Variants in CENPC observed in about 807,000 individuals in gnomAD.
The protein encoded by CENPC is centromere protein C.
Under a neutral mutation model 112.1 loss-of-function variants are expected in CENPC, and 63 were observed. That is an observed-to-expected ratio of 0.56 (90% confidence interval 0.46 to 0.69). CENPC has a LOEUF of 0.69. Among genes scored for constraint, CENPC ranks in the 30% least tolerant of loss-of-function variants. The probability of loss-of-function intolerance (pLI) is 0.00; values close to 1 mark genes in which losing one functional copy is unlikely to be tolerated. For missense variants in CENPC, 1,000 were observed against 1,103.8 expected, an observed-to-expected ratio of 0.91 and a Z score of 1.33; for synonymous variants, 333 against 367.6, an observed-to-expected ratio of 0.91 and a Z score of 1.08.
intron 4 of CENPC, among the ~76,000 whole-genome samples, chr4:67,539,157 G>A (rs1365904002): frequency 6.6e-6 from 1 of 152,126 alleles, no homozygotes; most frequent in African/African-American, 2.4e-5. Context: ...AAAACCTAAA[G>A]TTGCTTTAAC....
chr4:67,537,335 G>A (rs1311544987), intron 4 of CENPC, among the ~76,000 whole-genome samples: 2 of 152,236 alleles, frequency 1.3e-5, no homozygotes, highest in Admixed American at 6.5e-5. Flanking sequence ...CGCAATTTGT[G>A]TATTTTAATG....
intron 4 of CENPC, among the ~76,000 whole-genome samples, chr4:67,536,524 C>G (rs1261323427): frequency 1.3e-5 from 2 of 151,858 alleles, no homozygotes; most frequent in Admixed American, 1.3e-4. Flanking sequence ...ATAACTAGAC[C>G]TAGGAATCTC....
intron 17 of CENPC, among the ~76,000 whole-genome samples, chr4:67,485,458 C>G (rs1382001621): frequency 2.0e-5 from 2 of 99,992 alleles, no homozygotes; most frequent in African/African-American, 3.6e-5. Flanking sequence ...AATTCACACT[C>G]TGGAATCTTA....
At chr4:67,475,667 C>T (rs866450807) in intron 17 of CENPC, among the ~76,000 whole-genome samples, 3 of 152,192 alleles carry the variant, frequency 2.0e-5, no homozygotes, top group East Asian at 1.9e-4. Flanking sequence ...GAGGCGATCT[C>T]GGCTCACTGC....
intron 17 of CENPC, among the ~76,000 whole-genome samples, chr4:67,489,290 AAG>A (rs1467261797): frequency 6.6e-6 from 1 of 151,752 alleles, no homozygotes; most frequent in Non-Finnish European, 1.5e-5. Context: ...GGGTGGAAGA[AAG>A]GAGATAAAGA....
chr4:67,509,724 G>C (rs1404519507), intron 9 of CENPC, among the ~76,000 whole-genome samples: 1 of 151,996 alleles, frequency 6.6e-6, no homozygotes, highest in South Asian at 2.1e-4. Flanking sequence ...GTCATTAGTA[G>C]AAGTCCTCAT....
At chr4:67,520,835 A>T (rs984915014) in intron 5 of CENPC, among the ~76,000 whole-genome samples, 2 of 152,088 alleles carry the variant, frequency 1.3e-5, no homozygotes, top group East Asian at 3.8e-4. Flanking sequence ...AACATGGCGA[A>T]ACCCCATCTC....
intron 13 of CENPC, 98 bp downstream of exon 13, chr4:67,495,061 C>T (rs925774376): frequency 1.1e-5 from 13 of 1,148,102 alleles, no homozygotes; most frequent in South Asian, 5.2e-5. Context: ...TCCACATAAT[C>T]GTATTTCTCC....
intron 3 of CENPC, 50 bp from the exon 4 acceptor site, chr4:67,539,984 A>G (rs1227935422): frequency 1.1e-6 from 1 of 904,604 alleles, no homozygotes; most frequent in East Asian, 3.0e-5. Flanking sequence ...TGTAATATCT[A>G]TTAGTCACAA....
intron 4 of CENPC, among the ~76,000 whole-genome samples, chr4:67,532,018 G>GA (rs1315090104): frequency 1.3e-5 from 2 of 152,074 alleles, no homozygotes; most frequent in Non-Finnish European, 2.9e-5. Context: ...CTAATATCCA[G>GA]AATCTACAAA....
chr4:67,545,485 G>A lies in CENPC; in HGVS notation c.-130C>T. 1.1e-6 allele frequency: 1 copy of A among 909,608 alleles called. No homozygotes were observed. The highest frequency in any genetic ancestry group is 1.5e-6 in the Non-Finnish European group (1 of 664,430). The allele number at this position is 909,608 out of a possible 1,614,324, so 56.3% of individuals were successfully genotyped here. On this transcript the variant is annotated 5_prime_UTR_variant, in exon 1 of 19. Transcript: ENST00000273853. ...GGCCAAGCAATAACCTTAAGTCTCA[G>A]GCGACTGCCGCGAGAGCTGCGATCC... is the stretch of plus-strand genomic sequence containing the variant.
chr4:67,512,186 G>A (rs1577991239), intron 9 of CENPC: 1 of 393,094 alleles, frequency 2.5e-6, no homozygotes, highest in East Asian at 4.5e-5. Flanking sequence ...CTGGTTTGGG[G>A]TTTTGTTTTC....
At chr4:67,541,071 C>A in intron 2 of CENPC, 21 bp from the exon 3 acceptor site, 2 of 1,535,564 alleles carry the variant, frequency 1.3e-6, no homozygotes, top group Non-Finnish European at 1.8e-6. Context: ...AAAAATACAG[C>A]CTGTCATTTT....
chr4:67,545,084 A>G (rs1365016559), intron 1 of CENPC, among the ~76,000 whole-genome samples: 1 of 152,172 alleles, frequency 6.6e-6, no homozygotes. Context: ...AGAAATCACA[A>G]GCACCTCTCA....
At position 67,474,608 on chromosome 4, in the gene CENPC, G is replaced by A; in HGVS notation, c.2761+280C>T. The A allele has an allele frequency of 9.5e-6, 3 of 317,382 alleles. No homozygotes were observed. The South Asian group carries it at 9.5e-5, about 10-fold the overall frequency. The allele number at this position is 317,382 out of a possible 1,614,324, so 19.7% of individuals were successfully genotyped here. A position where few individuals can be genotyped will look rare whatever the true frequency, so the allele number is the denominator to read the frequency against. On this transcript the variant is annotated intron_variant, in intron 18 of 18. Coordinates refer to ENST00000273853, the MANE Select transcript of CENPC (RefSeq NM_001812.4). ...AGCTACTCGAGAGTCTGAGGCACAAGAATCGCTTGAACCCAGGAGGTGGAG... is the reference window on the plus strand; with the variant it reads ...AGCTACTCGAGAGTCTGAGGCACAAAAATCGCTTGAACCCAGGAGGTGGAG...
intron 12 of CENPC, among the ~76,000 whole-genome samples, chr4:67,500,184 C>T (rs762959370): frequency 2.6e-5 from 4 of 151,522 alleles, no homozygotes; most frequent in South Asian, 2.1e-4. Flanking sequence ...AAAAATGGTG[C>T]CAATAAGGCT....
chr4:67,503,143 T>C (rs1427416817), intron 12 of CENPC, among the ~76,000 whole-genome samples: 2 of 152,138 alleles, frequency 1.3e-5, no homozygotes, highest in African/African-American at 2.4e-5. Context: ...GCCTTTAACA[T>C]CCTATGTGAT....
At chr4:67,523,624 A>G (rs1726293354) in intron 5 of CENPC, among the ~76,000 whole-genome samples, 1 of 151,126 alleles carries the variant, frequency 6.6e-6, no homozygotes, top group Non-Finnish European at 1.5e-5. Context: ...AGATAGTTAC[A>G]TTTAAAGATA....
chr4:67,540,944 C>T, intron 3 of CENPC, 36 bp downstream of exon 3: 1 of 1,399,690 alleles, frequency 7.1e-7, no homozygotes, highest in Non-Finnish European at 1.0e-6. Context: ...TTTCATCCAT[C>T]TAACCCTTAA....
Sources: allele counts gnomAD v4.1 joint callset (sites outside exome capture counted in the v4.1 genomes callset), GRCh38; gene constraint gnomAD v4.1.1; transcripts MANE v1.5; gene names NCBI Gene and HGNC (gene_info 2026-07-23, HGNC 2026-07-21).